Variants in TBCK observed in about 807,000 individuals in gnomAD.
TBCK encodes TBC1 domain containing kinase.
TBCK carries 99 observed loss-of-function variants against 113.4 expected under a neutral mutation model. The ratio of observed to expected loss-of-function variants is 0.87; its 90% CI spans 0.74 to 1.03. TBCK has a LOEUF of 1.03. TBCK is among the 50% of genes least tolerant of loss of function. The probability of loss-of-function intolerance (pLI) is 0.00; values close to 1 mark genes in which losing one functional copy is unlikely to be tolerated. For synonymous variants in TBCK, 369 were observed against 370.8 expected (o/e 1.00, Z 0.05); for missense variants, 1,045 against 1,061.3 (o/e 0.98, Z 0.21).
intron 19 of TBCK, among the ~76,000 whole-genome samples, chr4:106,229,369 T>A (rs1758600633): frequency 6.6e-6 from 1 of 152,092 alleles, no homozygotes; most frequent in South Asian, 2.1e-4. Flanking sequence ...AGTAGTTTCA[T>A]AATTTGAGGT....
chr4:106,060,985 A>G (rs1324552893), intron 25 of TBCK, among the ~76,000 whole-genome samples: 1 of 151,776 alleles, frequency 6.6e-6, no homozygotes, highest in African/African-American at 2.4e-5. Context: ...ATGTGGCTGA[A>G]CTGCTGCAAT....
chr4:106,167,700 A>G (rs1293580183), intron 23 of TBCK, among the ~76,000 whole-genome samples: 1 of 151,712 alleles, frequency 6.6e-6, no homozygotes, highest in Non-Finnish European at 1.5e-5. Flanking sequence ...GATCCCATAG[A>G]CAATAAAATG....
At chr4:106,103,877 C>T (rs1741836580) in intron 24 of TBCK, among the ~76,000 whole-genome samples, 1 of 152,138 alleles carries the variant, frequency 6.6e-6, no homozygotes, top group African/African-American at 2.4e-5. Flanking sequence ...GACAGGACAA[C>T]GACCCACCTG....
intron 3 of TBCK, among the ~76,000 whole-genome samples, chr4:106,273,186 T>A (rs142917271): frequency 6.6e-6 from 1 of 152,282 alleles, no homozygotes; most frequent in African/African-American, 2.4e-5. Flanking sequence ...AACAACAAAA[T>A]GTAAAAGGAA....
In TBCK at chr4:106,262,080, A is replaced by G. The variant is rs1272717051; in HGVS notation, c.381+18T>C. 7.2e-7 allele frequency: 1 copy of G among 1,387,214 alleles called. No homozygotes were observed. The highest frequency in any genetic ancestry group is 9.9e-7 in the Non-Finnish European group (1 of 1,010,784). 85.9% of individuals were successfully genotyped at this position (1,387,214 alleles called of 1,614,324 possible). On this transcript the variant is annotated intron_variant, in intron 4 of 25. Transcript: ENST00000394708. Reference sequence around the variant, plus strand: ...TTCAAATGATATATAAATATTTATTACATGATTTAACAATTACCTTTCGGT... The same window carrying G: ...TTCAAATGATATATAAATATTTATTGCATGATTTAACAATTACCTTTCGGT...
At chr4:106,224,767 C>T (rs1440046776) in intron 19 of TBCK, among the ~76,000 whole-genome samples, 11 of 152,150 alleles carry the variant, frequency 7.2e-5, no homozygotes, top group Admixed American at 7.2e-4. Context: ...TCCCATTTTA[C>T]ACTCTTTTAC....
At chr4:106,077,790 A>G (rs1366175896) in intron 25 of TBCK, among the ~76,000 whole-genome samples, 2 of 152,208 alleles carry the variant, frequency 1.3e-5, no homozygotes, top group African/African-American at 4.8e-5. Context: ...CTTAAACTCA[A>G]TACTTGACCA....
chr4:106,067,777 C>G (rs1166953018), intron 25 of TBCK, among the ~76,000 whole-genome samples: 1 of 152,072 alleles, frequency 6.6e-6, no homozygotes, highest in African/African-American at 2.4e-5. Context: ...GGTCTTGGCA[C>G]CTTTGTCAAA....
intron 24 of TBCK, among the ~76,000 whole-genome samples, chr4:106,104,046 G>T (rs548906688): frequency 1.3e-5 from 2 of 152,312 alleles, no homozygotes; most frequent in Admixed American, 1.3e-4. Flanking sequence ...TCTTCAGTCT[G>T]ACGGACAGAG....
In TBCK at chr4:106,174,741, C is replaced by T. The variant is rs188194517; in HGVS notation, c.2060-3471G>A. Among the ~76,000 whole-genome samples, 93 of 152,196 alleles carry T rather than the reference C, an allele frequency of 6.1e-4. 3 individuals carry two copies. The highest frequency in any genetic ancestry group is 1.7e-3 in the Admixed American group (26 of 15,278). On this transcript the variant is annotated intron_variant, in intron 22 of 25. Transcript: ENST00000394708. Reference sequence around the variant, plus strand: ...TTTGTCATTTTGTTCTTACTTTCCACGTGTATTTTTGTTTCATACTCTGTG... The same window carrying T: ...TTTGTCATTTTGTTCTTACTTTCCATGTGTATTTTTGTTTCATACTCTGTG...
intron 22 of TBCK, among the ~76,000 whole-genome samples, chr4:106,178,482 G>A (rs1751951523): frequency 6.6e-6 from 1 of 151,854 alleles, no homozygotes; most frequent in South Asian, 2.1e-4. Context: ...GTTCTGAGGT[G>A]TGGTCCTCTT....
intron 3 of TBCK, among the ~76,000 whole-genome samples, chr4:106,284,218 G>A (rs1764902311): frequency 2.0e-5 from 3 of 151,940 alleles, no homozygotes; most frequent in African/African-American, 7.3e-5. Context: ...AAGTAAAAAA[G>A]ATATGAAAGC....
intron 23 of TBCK, among the ~76,000 whole-genome samples, chr4:106,122,596 C>A (rs1052681639): frequency 6.6e-5 from 10 of 152,224 alleles, no homozygotes; most frequent in African/African-American, 2.4e-4. Context: ...AGACCAACAT[C>A]CCTGATGAAC....
At chr4:106,149,445 T>TA (rs1333298758) in intron 23 of TBCK, among the ~76,000 whole-genome samples, 5 of 152,228 alleles carry the variant, frequency 3.3e-5, no homozygotes, top group African/African-American at 1.2e-4. Context: ...TTGAACACTT[T>TA]GAGTCCATTA....
chr4:106,235,394 C>T (rs769645622), intron 14 of TBCK, 27 bp from the exon 15 acceptor site: 32 of 1,492,384 alleles, frequency 2.1e-5, no homozygotes, highest in African/African-American at 1.1e-4. Flanking sequence ...GAAATGAAAA[C>T]GTCTCAAATT....
intron 24 of TBCK, among the ~76,000 whole-genome samples, chr4:106,103,379 T>C (rs1282961738): frequency 6.6e-6 from 1 of 152,216 alleles, no homozygotes; most frequent in East Asian, 1.9e-4. Context: ...TGAATATATC[T>C]AGTGTAGAGG....
At chr4:106,253,280 A>G (rs1026744818) in intron 5 of TBCK, among the ~76,000 whole-genome samples, 3 of 152,168 alleles carry the variant, frequency 2.0e-5, no homozygotes, top group East Asian at 1.9e-4. Context: ...AAGATTATCT[A>G]TATTGTTGGA....
chr4:106,136,679 A>G (rs1746598452), intron 23 of TBCK, among the ~76,000 whole-genome samples: 1 of 140,534 alleles, frequency 7.1e-6, no homozygotes, highest in African/African-American at 2.5e-5. Context: ...TCAGCATCCT[A>G]TTTTAATTTG....
At chr4:106,095,748 C>T (rs989060703) in intron 24 of TBCK, 107 bp from the exon 25 acceptor site, 1 of 885,502 alleles carries the variant, frequency 1.1e-6, no homozygotes, top group Non-Finnish European at 1.6e-6. Context: ...AAACATCTTC[C>T]AGCTTATGTG....
Sources: allele counts gnomAD v4.1 joint callset (sites outside exome capture counted in the v4.1 genomes callset), GRCh38; gene constraint gnomAD v4.1.1; transcripts MANE v1.5; gene names NCBI Gene and HGNC (gene_info 2026-07-23, HGNC 2026-07-21).